Variants in ZNF385B observed in about 807,000 individuals in gnomAD.
ZNF385B encodes zinc finger protein 385B.
Under a neutral mutation model 39.2 loss-of-function variants are expected in ZNF385B, and 23 were observed. That is an observed-to-expected ratio of 0.59 (90% confidence interval 0.42 to 0.83). The LOEUF (loss-of-function observed/expected upper bound fraction) is 0.83. ZNF385B is among the 40% of genes least tolerant of loss of function. ZNF385B has a pLI of 0.00. For missense variants in ZNF385B, 552 were observed against 598.9 expected, an observed-to-expected ratio of 0.92 and a Z score of 0.82; for synonymous variants, 205 against 222.6, an observed-to-expected ratio of 0.92 and a Z score of 0.70.
intron 3 of ZNF385B, among the ~76,000 whole-genome samples, chr2:179,754,230 T>C (rs1445359786): frequency 2.0e-5 from 3 of 152,234 alleles, no homozygotes; most frequent in Non-Finnish European, 4.4e-5. Context: ...TATGCTGTAT[T>C]ACATTTATTG....
At chr2:179,472,764 C>T (rs560254314) in intron 6 of ZNF385B, among the ~76,000 whole-genome samples, 3 of 152,156 alleles carry the variant, frequency 2.0e-5, no homozygotes, top group African/African-American at 7.2e-5. Flanking sequence ...TCATACCCCC[C>T]CTCCCTAGCC....
intron 3 of ZNF385B, among the ~76,000 whole-genome samples, chr2:179,546,233 T>C (rs189228375): frequency 4.6e-5 from 7 of 151,938 alleles, no homozygotes; most frequent in African/African-American, 1.7e-4. Flanking sequence ...ATGGGGTTTT[T>C]GCCACATTGC....
chr2:179,559,578 A>G (rs2061187357), intron 3 of ZNF385B, among the ~76,000 whole-genome samples: 1 of 152,064 alleles, frequency 6.6e-6, no homozygotes, highest in African/African-American at 2.4e-5. Flanking sequence ...TCTTACATGA[A>G]ATTTCTTTTT....
chr2:179,549,832 A>G (rs1009672275), intron 3 of ZNF385B, among the ~76,000 whole-genome samples: 1 of 149,376 alleles, frequency 6.7e-6, no homozygotes, highest in Non-Finnish European at 1.5e-5. Context: ...GGGAAGACAG[A>G]GTAGCATTCA....
intron 6 of ZNF385B, among the ~76,000 whole-genome samples, chr2:179,463,716 T>C (rs1402830946): frequency 6.6e-6 from 1 of 152,204 alleles, no homozygotes; most frequent in Non-Finnish European, 1.5e-5. Flanking sequence ...TATTCCATGG[T>C]GTATATGTGC....
intron 4 of ZNF385B, chr2:179,522,961 A>T: frequency 2.6e-6 from 1 of 388,336 alleles, no homozygotes; most frequent in Non-Finnish European, 5.3e-6. Context: ...TGGAATTTTG[A>T]GGCTAGGAAG....
chr2:179,521,263 T>C (rs1187612243), intron 4 of ZNF385B, among the ~76,000 whole-genome samples: 1 of 151,566 alleles, frequency 6.6e-6, no homozygotes, highest in African/African-American at 2.4e-5. Flanking sequence ...ATCAGCTCAC[T>C]GAAACCTCTG....
intron 1 of ZNF385B, among the ~76,000 whole-genome samples, chr2:179,773,040 C>T (rs1704103671): frequency 6.6e-6 from 1 of 152,192 alleles, no homozygotes; most frequent in East Asian, 1.9e-4. Flanking sequence ...TGAATTCAAA[C>T]TGGACAGTCA....
chr2:179,513,063 T>C (rs947229428), intron 5 of ZNF385B, among the ~76,000 whole-genome samples: 3 of 152,222 alleles, frequency 2.0e-5, no homozygotes, highest in African/African-American at 7.2e-5. Flanking sequence ...GCAGTCTGTT[T>C]ACTGTGCATC....
intron 1 of ZNF385B, among the ~76,000 whole-genome samples, chr2:179,827,474 T>C (rs165377): frequency 0.044 from 6,762 of 152,310 alleles, 302 homozygotes; most frequent in African/African-American, 0.11. Context: ...AATGATTATG[T>C]ATTTCTATCA....
chr2:179,674,239 C>A (rs1696440988), intron 3 of ZNF385B, among the ~76,000 whole-genome samples: 1 of 152,116 alleles, frequency 6.6e-6, no homozygotes, highest in African/African-American at 2.4e-5. Flanking sequence ...AAAATGGTCG[C>A]AATTCCTGCT....
intron 1 of ZNF385B, among the ~76,000 whole-genome samples, chr2:179,779,954 T>C (rs1396477114): frequency 1.3e-5 from 2 of 152,192 alleles, no homozygotes; most frequent in East Asian, 1.9e-4. Context: ...TTTAAAAATA[T>C]TGATGCCAGA....
chr2:179,536,286 C>T (rs2059561425), intron 4 of ZNF385B: 1 of 151,832 alleles, frequency 6.6e-6, no homozygotes, highest in Admixed American at 6.6e-5. Context: ...AGAAGAGGGC[C>T]CAACATAGAC....
intron 1 of ZNF385B, among the ~76,000 whole-genome samples, chr2:179,826,892 C>A (rs1438456085): frequency 6.6e-6 from 1 of 152,126 alleles, no homozygotes; most frequent in Non-Finnish European, 1.5e-5. Flanking sequence ...TGTATCAATT[C>A]AAAACTTCAA....
chr2:179,575,850 T>G (rs1685751947), intron 3 of ZNF385B, among the ~76,000 whole-genome samples: 1 of 152,134 alleles, frequency 6.6e-6, no homozygotes, highest in Non-Finnish European at 1.5e-5. Context: ...CCAGTGCTGG[T>G]ATAATGCCCA....
chr2:179,645,732 C>A (rs189466144), intron 3 of ZNF385B, among the ~76,000 whole-genome samples: 23 of 152,286 alleles, frequency 1.5e-4, no homozygotes, highest in African/African-American at 5.3e-4. Flanking sequence ...ATGAGCCCAG[C>A]CTGATGCGTG....
intron 3 of ZNF385B, among the ~76,000 whole-genome samples, chr2:179,583,774 C>T (rs1686795655): frequency 6.6e-6 from 1 of 152,200 alleles, no homozygotes; most frequent in African/African-American, 2.4e-5. Flanking sequence ...AGACACACAT[C>T]CATAGTTTCA....
intron 3 of ZNF385B, among the ~76,000 whole-genome samples, chr2:179,675,289 T>C (rs1696598351): frequency 6.6e-6 from 1 of 152,126 alleles, no homozygotes; most frequent in African/African-American, 2.4e-5. Flanking sequence ...GTCGTCCTCA[T>C]GTAGAGTAGG....
At chr2:179,545,486 TA>T (rs893988419) in intron 3 of ZNF385B, among the ~76,000 whole-genome samples, 14 of 148,090 alleles carry the variant, frequency 9.5e-5, no homozygotes, top group South Asian at 2.1e-4. Flanking sequence ...CTTGTTCTCT[TA>T]AAAAAAAAAC....
Sources: allele counts gnomAD v4.1 joint callset (sites outside exome capture counted in the v4.1 genomes callset), GRCh38; gene constraint gnomAD v4.1.1; transcripts MANE v1.5; gene names NCBI Gene and HGNC (gene_info 2026-07-23, HGNC 2026-07-21).